The following WASF2 variants were observed in gnomAD, a reference collection of about 807,000 sequenced individuals.
WASF2 encodes the protein actin-binding protein WASF2.
Under a neutral mutation model 45.0 loss-of-function variants are expected in WASF2, and 14 were observed. That is an observed-to-expected ratio of 0.31 (90% confidence interval 0.21 to 0.49). The LOEUF (loss-of-function observed/expected upper bound fraction) is 0.49. Among genes scored for constraint, WASF2 ranks in the 20% least tolerant of loss-of-function variants. WASF2 has a pLI of 0.99. For missense variants in WASF2, 439 were observed against 636.1 expected (o/e 0.69, Z 3.33); for synonymous variants, 200 against 236.3 (o/e 0.85, Z 1.41).
chr1:27,446,523 TC>T (rs1300874980), intron 1 of WASF2, among the ~76,000 whole-genome samples: 2 of 152,034 alleles, frequency 1.3e-5, no homozygotes, highest in Non-Finnish European at 2.9e-5. Context: ...ACGCCTATAA[TC>T]CCAACCAGCA....
At position 27,418,402 on chromosome 1, in the gene WASF2, T is replaced by G; in HGVS notation, c.286A>C (p.Thr96Pro). 2 of 1,614,196 alleles carry G rather than the reference T, an allele frequency of 1.2e-6. No homozygotes were observed. Among genetic ancestry groups the G allele is most frequent in the Non-Finnish European group, 1.7e-6 (2 of 1,180,032 alleles). The change falls in exon 4 of 9, where the codon ACC becomes CCC. Residue 96 changes from threonine to proline, a missense_variant. By Grantham distance (38) the Thr-to-Pro change is conservative. Around this residue, in one of 5 missense-constraint regions of WASF2, gnomAD observed 98 missense variants for 120.7 expected, o/e 0.81. Transcript: ENST00000618852. The part of the protein sequence containing the change: ...EEEVSLQGIN[T>P]RKAFRSSTIQ... ...GTGGAACTTCTGAAGGCTTTTCGGG[T>G]GTTGATTCCTTGCAGTGACACTGAG...
intron 1 of WASF2, among the ~76,000 whole-genome samples, chr1:27,454,562 T>C (rs897589668): frequency 3.3e-5 from 5 of 152,110 alleles, no homozygotes; most frequent in Non-Finnish European, 4.4e-5. Flanking sequence ...GGTCTCGAAC[T>C]ACTGGGCTCA....
intron 1 of WASF2, among the ~76,000 whole-genome samples, chr1:27,454,243 G>A (rs1571148545): frequency 7.1e-6 from 1 of 141,758 alleles, no homozygotes; most frequent in African/African-American, 2.7e-5. Context: ...TGTCCAGACT[G>A]GAATGCAGTG....
In WASF2 at chr1:27,422,398, T is replaced by C. The variant is rs925359628; in HGVS notation, c.131-3310A>G. The stretch of plus-strand genomic sequence containing the variant: ...ACTTTGGGAGGCTGAGGTGGGCGGA[T>C]CACGAGGTCAGGAGATCACAACCAT... On this transcript the variant is annotated intron_variant, in intron 2 of 8. Coordinates refer to ENST00000618852, the MANE Select transcript of WASF2 (RefSeq NM_006990.5). Among the ~76,000 whole-genome samples, 4 of 152,072 alleles carry C rather than the reference T, an allele frequency of 2.6e-5. 1 individual carries two copies. In the South Asian group the frequency reaches 6.2e-4, roughly 24 times the overall value.
intron 1 of WASF2, among the ~76,000 whole-genome samples, chr1:27,454,823 TATC>T (rs1320308633): frequency 6.6e-6 from 1 of 152,108 alleles, no homozygotes; most frequent in East Asian, 1.9e-4. Context: ...TGTAGGAACA[TATC>T]ATGATTAACT....
chr1:27,441,753 C>CAAAAAAAA (rs35347075), intron 1 of WASF2, among the ~76,000 whole-genome samples: 1 of 51,718 alleles, frequency 1.9e-5, no homozygotes, highest in Non-Finnish European at 3.3e-5. Flanking sequence ...GACTCCGTCT[C>CAAAAAAAA]AAAAAAAAAA....
At chr1:27,418,813 G>C (rs555225223) in intron 3 of WASF2, 141 bp downstream of exon 3, 2 of 1,067,038 alleles carry the variant, frequency 1.9e-6, no homozygotes, top group African/African-American at 1.6e-5. Context: ...CAGCACTCAG[G>C]CTTGTGTGAT....
chr1:27,437,838 C>A (rs2017157475), intron 1 of WASF2, among the ~76,000 whole-genome samples: 1 of 152,112 alleles, frequency 6.6e-6, no homozygotes, highest in South Asian at 2.1e-4. Context: ...TAAATTTACA[C>A]AGGAGTTTAA....
intron 1 of WASF2, among the ~76,000 whole-genome samples, chr1:27,439,211 C>T (rs183122147): frequency 4.6e-5 from 7 of 152,226 alleles, no homozygotes; most frequent in Admixed American, 3.3e-4. Context: ...TATCATGACC[C>T]CTTGTCTGTA....
intron 5 of WASF2, 152 bp from the exon 6 acceptor site, chr1:27,415,115 T>C: frequency 2.8e-6 from 3 of 1,064,692 alleles, no homozygotes; most frequent in Non-Finnish European, 4.0e-6. Context: ...GGGTTTGAAG[T>C]GACCCAGAGG....
chr1:27,426,341 A>G (rs761687401), intron 2 of WASF2, among the ~76,000 whole-genome samples: 2 of 152,150 alleles, frequency 1.3e-5, no homozygotes, highest in African/African-American at 2.4e-5. Context: ...CAGAGAAAGA[A>G]GGTAGAGGGA....
At chr1:27,484,055 A>G (rs2017890630) in intron 1 of WASF2, among the ~76,000 whole-genome samples, 1 of 152,124 alleles carries the variant, frequency 6.6e-6, no homozygotes, top group African/African-American at 2.4e-5. Context: ...GTATCTCCAA[A>G]ACAGTGAAGG....
At position 27,427,074 on chromosome 1, in the gene WASF2, T is replaced by C. The variant is rs141050335; in HGVS notation, c.130+1687A>G. Among the ~76,000 whole-genome samples the C allele has an allele frequency of 1.3e-3, 198 of 152,258 alleles. 2 individuals carry two copies. Among genetic ancestry groups the C allele is most frequent in the Middle Eastern group, 6.8e-3 (2 of 294 alleles). On this transcript the variant is annotated intron_variant, in intron 2 of 8. Coordinates refer to ENST00000618852, the MANE Select transcript of WASF2 (RefSeq NM_006990.5). ...GAGACAATTTCTTATTATTGCCTCT[T>C]ATTCTTATTCTTATTGAGTATCCCC... is the stretch of plus-strand genomic sequence containing the variant.
At chr1:27,459,684 A>C (rs2017519125) in intron 1 of WASF2, 1 of 152,214 alleles carries the variant, frequency 6.6e-6, no homozygotes, top group African/African-American at 2.4e-5. Context: ...TTATGTTCAC[A>C]TGTGTTTTAT....
chr1:27,464,994 T>C (rs1364577533), intron 1 of WASF2, among the ~76,000 whole-genome samples: 1 of 152,254 alleles, frequency 6.6e-6, no homozygotes, highest in Admixed American at 6.5e-5. Context: ...CCCAAAGTGC[T>C]GGGATTACAG....
intron 3 of WASF2, 149 bp downstream of exon 3, chr1:27,418,805 G>A: frequency 1.0e-6 from 1 of 972,950 alleles, no homozygotes; most frequent in South Asian, 1.8e-5. Flanking sequence ...GTTCTTTCCA[G>A]CACTCAGGCT....
At chr1:27,486,461 T>TTCAG (rs1449242703) in intron 1 of WASF2, among the ~76,000 whole-genome samples, 2 of 152,176 alleles carry the variant, frequency 1.3e-5, no homozygotes, top group Admixed American at 6.6e-5. Flanking sequence ...GTGCAATAAA[T>TTCAG]TCAGTGTCTT....
rs944449915 is a variant in WASF2 at position 27,406,920 on chromosome 1, G to A, written c.*1269C>T. The A allele has an allele frequency of 1.3e-5, 2 of 152,310 alleles. No homozygotes were observed. The highest frequency in any genetic ancestry group is 4.8e-5 in the African/African-American group (2 of 41,466). The allele number at this position is 152,310 out of a possible 1,614,324, so 9.4% of individuals were successfully genotyped here. ...TGGGGAAATAAAAGGGGGAGGAGTT[G>A]CAGAGGAATTGAAAGCAGCACCTGT... On this transcript the variant is annotated 3_prime_UTR_variant, in exon 9 of 9. Coordinates refer to ENST00000618852, the MANE Select transcript of WASF2 (RefSeq NM_006990.5).
intron 6 of WASF2, among the ~76,000 whole-genome samples, chr1:27,413,384 C>T (rs944287356): frequency 2.0e-5 from 3 of 152,170 alleles, no homozygotes; most frequent in South Asian, 2.1e-4. Context: ...AACAACAAAA[C>T]TTCAAACAAG....
Sources: gnomAD v4.1 joint callset for allele counts (sites outside exome capture counted in the v4.1 genomes callset) on GRCh38, gnomAD v4.1.1 for gene constraint, gnomAD v4.1.1 regional missense constraint, MANE v1.5 for transcripts, NCBI Gene and HGNC (gene_info 2026-07-23, HGNC 2026-07-21) for gene names.